MGAM: variants seen among roughly 807,000 people sequenced by gnomAD.
MGAM encodes the protein maltase-glucoamylase, also known as alpha-1,4-glucosidase.
In MGAM, 253 loss-of-function variants were observed where a neutral mutation model predicts 358.8. The observed-to-expected ratio is 0.71, with a 90% CI of 0.64 to 0.78. MGAM has a LOEUF of 0.78. MGAM is among the 30% of genes least tolerant of loss of function. The pLI is 0.00. For missense variants in MGAM, 3,080 were observed against 3,432.6 expected (o/e 0.90, Z 2.57); for synonymous variants, 1,105 against 1,227.1 (o/e 0.90, Z 2.08).
At chr7:142,061,106 A>G (rs1812150454) in intron 34 of MGAM, among the ~76,000 whole-genome samples, 1 of 152,150 alleles carries the variant, frequency 6.6e-6, no homozygotes. Flanking sequence ...ACAAGGCAAG[A>G]GTTGAATATG....
At chr7:142,076,584 G>C in intron 46 of MGAM, 75 bp from the exon 47 acceptor site, 1 of 1,277,966 alleles carries the variant, frequency 7.8e-7, no homozygotes, top group South Asian at 1.3e-5. Flanking sequence ...GTCTGGAATA[G>C]AATATATGAG....
chr7:142,044,629 T>C (rs1809775849), intron 21 of MGAM, among the ~76,000 whole-genome samples: 1 of 87,298 alleles, frequency 1.1e-5, no homozygotes, highest in African/African-American at 3.5e-5. Flanking sequence ...ATGTATATTA[T>C]ATACACGTGT....
chr7:142,000,734 T>G (rs782047221), intron 1 of MGAM, among the ~76,000 whole-genome samples: 1 of 152,208 alleles, frequency 6.6e-6, no homozygotes, highest in Non-Finnish European at 1.5e-5. Context: ...ATACATTGAT[T>G]CCCAAGTGTG....
intron 10 of MGAM, among the ~76,000 whole-genome samples, chr7:142,028,495 C>T (rs76238540): frequency 6.6e-6 from 1 of 152,008 alleles, no homozygotes; most frequent in Non-Finnish European, 1.5e-5. Context: ...ATGACCAAGA[C>T]CACATAGGTA....
At chr7:141,990,582 A>G (rs1803903981) in intron 2 of MGAM, among the ~76,000 whole-genome samples, 1 of 151,990 alleles carries the variant, frequency 6.6e-6, no homozygotes, top group Non-Finnish European at 1.5e-5. Context: ...CTTTCCCAGA[A>G]GTGTCCCTGA....
intron 35 of MGAM, among the ~76,000 whole-genome samples, chr7:142,062,915 G>T (rs1243528661): frequency 6.6e-6 from 1 of 152,150 alleles, no homozygotes; most frequent in Non-Finnish European, 1.5e-5. Context: ...CCTGTGAGGC[G>T]GGACCAGGCG....
intron 1 of MGAM, among the ~76,000 whole-genome samples, chr7:141,997,761 C>A (rs1395213078): frequency 1.3e-5 from 2 of 152,128 alleles, no homozygotes; most frequent in Non-Finnish European, 2.9e-5. Context: ...AATCTCTCAC[C>A]TTGGGTGTGA....
At chr7:142,099,526 A>G (rs537442158) in intron 66 of MGAM, 87 bp from the exon 67 acceptor site, 139 of 1,598,164 alleles carry the variant, frequency 8.7e-5, no homozygotes, top group Admixed American at 7.4e-4. Flanking sequence ...TAAGTTCAGA[A>G]GGGAGGATGA....
At chr7:141,987,085 AG>A (rs1554446360) in intron 2 of MGAM, among the ~76,000 whole-genome samples, 1 of 152,216 alleles carries the variant, frequency 6.6e-6, no homozygotes, top group Non-Finnish European at 1.5e-5. Flanking sequence ...CAGGGCTAGC[AG>A]GGACCATTTT....
At position 142,044,072 on chromosome 7, in the gene MGAM, A is replaced by AATAT. The variant is rs1289686141; in HGVS notation, c.2498+3229_2498+3230insTATA. Among the ~76,000 whole-genome samples, 284 of 129,552 alleles carry AATAT rather than the reference A, an allele frequency of 2.2e-3. 11 individuals are homozygous for AATAT. Among genetic ancestry groups the AATAT allele is most frequent in the Non-Finnish European group, 3.2e-3 (197 of 61,318 alleles). The allele number at this position is 129,552 out of a possible 152,430, so 85.0% of individuals were successfully genotyped here. On this transcript the variant is annotated intron_variant, in intron 21 of 70. Coordinates refer to ENST00000475668, the MANE Select transcript of MGAM (RefSeq NM_001365693.1). ...TACATTATATACACATACGACGTAT[A>AATAT]ATACATTATATACACATACGACGTA...
Position 142,008,503 on chromosome 7 carries a change from T to C in MGAM, c.128-3T>C. 6.2e-7 allele frequency: 1 copy of C among 1,605,820 alleles called. No homozygotes were observed. The highest frequency in any genetic ancestry group is 8.5e-7 in the Non-Finnish European group (1 of 1,175,942). On this transcript the variant is annotated splice_polypyrimidine_tract_variant and splice_region_variant and intron_variant, in intron 2 of 70. Coordinates refer to ENST00000475668, the MANE Select transcript of MGAM (RefSeq NM_001365693.1). Reference sequence around the variant, plus strand: ...GGTCTTTTTATGTTTGCTTTTGGTATAGCCCCAGATCCTGGGACAACTGGT... The same window carrying C: ...GGTCTTTTTATGTTTGCTTTTGGTACAGCCCCAGATCCTGGGACAACTGGT...
intron 1 of MGAM, among the ~76,000 whole-genome samples, chr7:142,000,983 A>T (rs935828074): frequency 6.6e-6 from 1 of 152,210 alleles, no homozygotes. Context: ...ACCAAAGAGG[A>T]GGCATGGTCA....
chr7:141,994,027 C>A (rs111725780), upstream of MGAM, among the ~76,000 whole-genome samples: 657 of 152,226 alleles, frequency 4.3e-3, 7 homozygotes, highest in African/African-American at 0.015. Context: ...AGGCACGCAC[C>A]GCCATGCCCG....
chr7:142,017,927 C>T (rs1218081792), intron 3 of MGAM, among the ~76,000 whole-genome samples: 1 of 152,182 alleles, frequency 6.6e-6, no homozygotes, highest in Non-Finnish European at 1.5e-5. Context: ...AAGTTTTGTT[C>T]TTGCCTTCTC....
In MGAM at chr7:142,047,253, G is replaced by GATC. The variant is rs1184360154; in HGVS notation, c.2499-530_2499-529insCAT. 3.3e-5 allele frequency among the ~76,000 whole-genome samples: 5 copies of GATC among 152,250 alleles called. No homozygotes were observed. The South Asian group carries it at 1.0e-3, about 32-fold the overall frequency. ...GTTTCTTATTCTAAATTATAGAGTAGATTAGAATGATTTGTTTTTCTTTCA... is the reference window on the plus strand; with the variant it reads ...GTTTCTTATTCTAAATTATAGAGTAGATCATTAGAATGATTTGTTTTTCTTTCA... On this transcript the variant is annotated intron_variant, in intron 21 of 70. Transcript: ENST00000475668.
chr7:142,063,397 A>C (rs1812417033), intron 35 of MGAM, 102 bp from the exon 36 acceptor site: 3 of 1,381,366 alleles, frequency 2.2e-6, no homozygotes, highest in Non-Finnish European at 3.0e-6. Context: ...ATCTACAGAG[A>C]TTACTGGATG....
chr7:142,099,873 G>C (rs1280966874), intron 67 of MGAM, 136 bp downstream of exon 67: 3 of 1,349,820 alleles, frequency 2.2e-6, no homozygotes, highest in Non-Finnish European at 3.0e-6. Flanking sequence ...TTGTTTGCTT[G>C]TTTGTATTTT....
In MGAM at chr7:142,020,665, T is replaced by C. The variant is rs150114423; in HGVS notation, c.449-309T>C. Among the ~76,000 whole-genome samples, 1,001 of 149,934 alleles carry C rather than the reference T, an allele frequency of 6.7e-3. 7 individuals carry two copies. The highest frequency in any genetic ancestry group is 0.024 in the African/African-American group (975 of 40,688). ...CATGCAGGCTGGAGCTGTGGTGCGA[T>C]CTCAGCTCACTGCAACCTCCACCTC... On this transcript the variant is annotated intron_variant, in intron 4 of 70. Coordinates refer to ENST00000475668, the MANE Select transcript of MGAM (RefSeq NM_001365693.1).
In MGAM at chr7:142,045,811, A is replaced by G. The variant is rs188127810; in HGVS notation, c.2499-1974A>G. Among the ~76,000 whole-genome samples the G allele has an allele frequency of 2.9e-4, 36 of 124,860 alleles. 1 individual carries two copies. Among genetic ancestry groups the G allele is most frequent in the African/African-American group, 8.4e-4 (26 of 31,004 alleles). The allele number at this position is 124,860 out of a possible 152,430, so 81.9% of individuals were successfully genotyped here. A position where few individuals can be genotyped will look rare whatever the true frequency, so the allele number is the denominator to read the frequency against. ...TACATATCGTATATACATACAATGT[A>G]TGAATATATGATATATATTATATAT... On this transcript the variant is annotated intron_variant, in intron 21 of 70. Transcript: ENST00000475668.
Sources: allele counts gnomAD v4.1 joint callset (sites outside exome capture counted in the v4.1 genomes callset), GRCh38; gene constraint gnomAD v4.1.1; transcripts MANE v1.5; gene names NCBI Gene and HGNC (gene_info 2026-07-23, HGNC 2026-07-21).